HMGXB4: variants seen among roughly 807,000 people sequenced by gnomAD.
HMGXB4 encodes HMG domain-containing protein 4.
Under a neutral mutation model 63.9 loss-of-function variants are expected in HMGXB4, and 27 were observed. That is an observed-to-expected ratio of 0.42 (90% CI 0.31 to 0.58). The LOEUF is 0.58. HMGXB4 is among the 20% of genes least tolerant of loss of function. The probability of loss-of-function intolerance (pLI) is 0.13; values close to 1 mark genes in which losing one functional copy is unlikely to be tolerated. For missense variants in HMGXB4, 624 were observed against 700.7 expected, an observed-to-expected ratio of 0.89 and a Z score of 1.24; for synonymous variants, 264 against 265.3, an observed-to-expected ratio of 0.99 and a Z score of 0.05.
chr22:35,278,917 C>G (rs1263812836), intron 5 of HMGXB4, among the ~76,000 whole-genome samples: 1 of 151,074 alleles, frequency 6.6e-6, no homozygotes, highest in Non-Finnish European at 1.5e-5. Flanking sequence ...CATGGTGGCA[C>G]GCACTCGTAG....
At chr22:35,261,435 CAA>C (rs35534975) in intron 1 of HMGXB4, among the ~76,000 whole-genome samples, 7 of 125,244 alleles carry the variant, frequency 5.6e-5, no homozygotes, top group Admixed American at 8.1e-5. Context: ...GACTCTATCT[CAA>C]AAAAAAAAAA....
intron 5 of HMGXB4, 86 bp from the exon 6 acceptor site, chr22:35,283,876 C>G (rs1924412268): frequency 1.1e-6 from 1 of 929,530 alleles, no homozygotes; most frequent in African/African-American, 1.6e-5. Context: ...TTTAGGTATC[C>G]TTCTATTTTA....
chr22:35,277,760 A>G (rs1028170234), intron 5 of HMGXB4, among the ~76,000 whole-genome samples: 2 of 152,140 alleles, frequency 1.3e-5, no homozygotes, highest in African/African-American at 2.4e-5. Context: ...GAGGTAACCC[A>G]TATATCCCCC....
At chr22:35,261,435 CAAA>C (rs35534975) in intron 1 of HMGXB4, among the ~76,000 whole-genome samples, 2 of 125,290 alleles carry the variant, frequency 1.6e-5, no homozygotes, top group African/African-American at 6.6e-5. Context: ...GACTCTATCT[CAAA>C]AAAAAAAAAA....
At chr22:35,279,007 A>C (rs1200856340) in intron 5 of HMGXB4, among the ~76,000 whole-genome samples, 5 of 152,008 alleles carry the variant, frequency 3.3e-5, no homozygotes, top group Non-Finnish European at 7.4e-5. Flanking sequence ...TGATCGCACC[A>C]CTGCACTCCA....
chr22:35,251,876 T>C, the HMGXB4 span, among the ~76,000 whole-genome samples: 1 of 152,120 alleles, frequency 6.6e-6, no homozygotes, highest in Non-Finnish European at 1.5e-5. Flanking sequence ...GTTTTTGGTG[T>C]TTTGGTTTGG....
At chr22:35,272,504 A>G (rs1923667468) in intron 5 of HMGXB4, among the ~76,000 whole-genome samples, 1 of 152,154 alleles carries the variant, frequency 6.6e-6, no homozygotes. Context: ...ATTATATGGT[A>G]ATATCTTGAT....
chr22:35,284,866 C>T (rs530008584), intron 6 of HMGXB4, among the ~76,000 whole-genome samples: 69 of 152,276 alleles, frequency 4.5e-4, no homozygotes, highest in African/African-American at 1.6e-3. Flanking sequence ...TGTGTAAAAT[C>T]GCTGCCCTAC....
In HMGXB4 at chr22:35,265,329, G is replaced by A. The variant is rs573464766; in HGVS notation, c.941G>A (p.Arg314Gln). 18 of 1,613,888 alleles carry A rather than the reference G, an allele frequency of 1.1e-5. No individual in the cohort carries two copies. The African/African-American group carries it at 1.2e-4, about 11-fold the overall frequency. The change falls in exon 5 of 11, where the codon CGA (arginine) becomes CAA (glutamine). Residue 314 changes from arginine (R) to glutamine (Q), a missense_variant. Coordinates refer to ENST00000216106, the MANE Select transcript of HMGXB4 (RefSeq NM_001003681.3). ...GAGTTAGTGATAGATGATTCTTACC[G>A]AGAAATCAAGAAGAAAAAGAAGTCA... is the stretch of plus-strand genomic sequence containing the variant. ...AGELVIDDSY[R>Q]EIKKKKKSKK...
chr22:35,252,875 G>A (rs1017454262), upstream of HMGXB4, among the ~76,000 whole-genome samples: 1 of 152,102 alleles, frequency 6.6e-6, no homozygotes, highest in Non-Finnish European at 1.5e-5. Flanking sequence ...GATGGCACGC[G>A]CCTGTAATCC....
At chr22:35,274,839 G>A (rs1923812805) in intron 5 of HMGXB4, among the ~76,000 whole-genome samples, 1 of 152,126 alleles carries the variant, frequency 6.6e-6, no homozygotes, top group South Asian at 2.1e-4. Context: ...TTTCCTTTTA[G>A]CCAGATCAGA....
chr22:35,268,107 A>G (rs928454490), intron 5 of HMGXB4, among the ~76,000 whole-genome samples: 7 of 152,224 alleles, frequency 4.6e-5, no homozygotes, highest in African/African-American at 1.2e-4. Flanking sequence ...TAAAATTTAC[A>G]TAGGGTGAAA....
chr22:35,270,316 G>C (rs1247773799), intron 5 of HMGXB4, among the ~76,000 whole-genome samples: 4 of 152,170 alleles, frequency 2.6e-5, no homozygotes, highest in African/African-American at 9.7e-5. Context: ...AATGCCCGAT[G>C]ATCTGTCACT....
Position 35,293,770 on chromosome 22 carries a change from C to CATACATAT in HMGXB4, c.*131_*138dup, listed in dbSNP as rs756664222. 1 of 619,246 alleles carries CATACATAT rather than the reference C, an allele frequency of 1.6e-6. No individual in the cohort carries two copies. The highest frequency in any genetic ancestry group is 1.9e-5 in the African/African-American group (1 of 53,932). The allele number at this position is 619,246 out of a possible 1,614,324, so 38.4% of individuals were successfully genotyped here. A position where few individuals can be genotyped will look rare whatever the true frequency, so the allele number is the denominator to read the frequency against. On this transcript the variant is annotated 3_prime_UTR_variant, in exon 11 of 11. Coordinates refer to ENST00000216106, the MANE Select transcript of HMGXB4 (RefSeq NM_001003681.3). ...TAGGTTTTAAATTTTTATATCTATA[C>CATACATAT]ATACATATATACATATATATATAAT...
chr22:35,241,868 G>A, the HMGXB4 span, among the ~76,000 whole-genome samples: 2 of 152,162 alleles, frequency 1.3e-5, no homozygotes, highest in Non-Finnish European at 2.9e-5. Flanking sequence ...GTCGACCTGG[G>A]GCTAAAATTC....
chr22:35,253,141 A>AC, upstream of HMGXB4, among the ~76,000 whole-genome samples: 1 of 148,612 alleles, frequency 6.7e-6, no homozygotes, highest in African/African-American at 2.4e-5. Flanking sequence ...TCAAAAAAAA[A>AC]AAAAAAAAAG....
chr22:35,243,767 G>A, the HMGXB4 span, among the ~76,000 whole-genome samples: 2 of 152,192 alleles, frequency 1.3e-5, 1 homozygote, highest in Middle Eastern at 6.8e-3. Context: ...TGGTCTCAAA[G>A]TCCTGGCCTC....
At chr22:35,287,037 C>A in intron 7 of HMGXB4, 3 of 262,888 alleles carry the variant, frequency 1.1e-5, no homozygotes, top group Non-Finnish European at 2.3e-5. Flanking sequence ...TTAGTAGAAC[C>A]ACATAGACAT....
chr22:35,283,715 A>G (rs1157671950), intron 5 of HMGXB4, among the ~76,000 whole-genome samples: 2 of 152,162 alleles, frequency 1.3e-5, no homozygotes, highest in Non-Finnish European at 2.9e-5. Context: ...GCTTGAACCC[A>G]GGAGGCGGAA....
Sources: allele counts gnomAD v4.1 joint callset (sites outside exome capture counted in the v4.1 genomes callset), GRCh38; gene constraint gnomAD v4.1.1; transcripts MANE v1.5; gene names NCBI Gene and HGNC (gene_info 2026-07-23, HGNC 2026-07-21).